The following GLI3 variants were observed in gnomAD, a reference collection of about 807,000 sequenced individuals.
GLI3 encodes GLI family zinc finger 3.
In GLI3, 20 loss-of-function variants were observed where a neutral mutation model predicts 100.8. The ratio of observed to expected loss-of-function variants is 0.20; its 90% CI spans 0.14 to 0.29. The LOEUF (loss-of-function observed/expected upper bound fraction) is 0.29. Ranked by LOEUF, GLI3 falls within the 10% of genes least tolerant of loss-of-function variation. The pLI is 1.00. For synonymous variants in GLI3, 938 were observed against 860.5 expected (o/e 1.09, Z -1.58); for missense variants, 2,040 against 2,128.5 (o/e 0.96, Z 0.82).
chr7:42,172,695 AG>A, intron 2 of GLI3: 1 of 698,356 alleles, frequency 1.4e-6, no homozygotes, highest in Non-Finnish European at 2.6e-6. Flanking sequence ...GCCTGGGAGA[AG>A]GGGATGAGTT....
chr7:41,984,853 G>C (rs1271424080), intron 10 of GLI3, among the ~76,000 whole-genome samples: 1 of 152,190 alleles, frequency 6.6e-6, no homozygotes, highest in Non-Finnish European at 1.5e-5. Context: ...ACGACGCCAA[G>C]TTCATCACAA....
intron 4 of GLI3, among the ~76,000 whole-genome samples, chr7:42,067,975 C>A (rs1202719960): frequency 2.0e-5 from 3 of 152,210 alleles, no homozygotes; most frequent in Non-Finnish European, 4.4e-5. Flanking sequence ...ATGTGTGATG[C>A]TGCACATGCC....
chr7:42,163,497 C>T (rs1359571370), intron 2 of GLI3, among the ~76,000 whole-genome samples: 3 of 151,466 alleles, frequency 2.0e-5, no homozygotes, highest in Non-Finnish European at 4.4e-5. Flanking sequence ...GGTGCTATCT[C>T]GGCTCACTGC....
intron 9 of GLI3, among the ~76,000 whole-genome samples, chr7:42,023,823 C>T (rs1789020613): frequency 6.6e-6 from 1 of 152,082 alleles, no homozygotes; most frequent in Non-Finnish European, 1.5e-5. Context: ...AGGCAACAGC[C>T]TGTCAAAATT....
intron 4 of GLI3, 128 bp from the exon 5 acceptor site, chr7:42,048,824 C>T (rs1784298307): frequency 1.4e-6 from 1 of 711,450 alleles, no homozygotes; most frequent in South Asian, 1.5e-5. Flanking sequence ...GAAAAAACTG[C>T]AGGCAAATAC....
At chr7:42,215,365 T>C (rs550930934) in intron 2 of GLI3, among the ~76,000 whole-genome samples, 149 of 152,296 alleles carry the variant, frequency 9.8e-4, no homozygotes, top group African/African-American at 3.4e-3. Context: ...AGTTTTTTGC[T>C]TTTACTATCA....
At chr7:42,191,645 C>T (rs529677880) in intron 2 of GLI3, among the ~76,000 whole-genome samples, 195 of 147,444 alleles carry the variant, frequency 1.3e-3, no homozygotes, top group African/African-American at 4.6e-3. Flanking sequence ...AGCGAAACTC[C>T]GTTTCAAAAA....
At position 42,132,304 on chromosome 7, in the gene GLI3, G is replaced by A. The variant is rs890891293; in HGVS notation, c.367+15922C>T. On this transcript the variant is annotated intron_variant, in intron 3 of 14. Coordinates refer to ENST00000395925, the MANE Select transcript of GLI3 (RefSeq NM_000168.6). ...TTTAGTAGAGATGGGGTTTCACCAT[G>A]TTAGCCAGGATGGTCTCGATCTCCT... Among the ~76,000 whole-genome samples the A allele has an allele frequency of 4.6e-5, 7 of 151,952 alleles. No homozygotes were observed. In the East Asian group the frequency reaches 1.4e-3, roughly 30 times the overall value.
intron 2 of GLI3, among the ~76,000 whole-genome samples, chr7:42,164,691 G>T (rs1176998423): frequency 6.6e-6 from 1 of 151,834 alleles, no homozygotes. Context: ...TTAGCCGGGC[G>T]TGGTGGCCTG....
chr7:41,989,934 C>G (rs1335342186), intron 10 of GLI3, among the ~76,000 whole-genome samples: 1 of 138,790 alleles, frequency 7.2e-6, no homozygotes, highest in Non-Finnish European at 1.5e-5. Flanking sequence ...CTGTAGTGAG[C>G]TGAGATTGCA....
chr7:42,019,719 G>A (rs772064735), intron 10 of GLI3, among the ~76,000 whole-genome samples: 1 of 152,170 alleles, frequency 6.6e-6, no homozygotes, highest in Admixed American at 6.5e-5. Context: ...ATTTTGAGAT[G>A]TTAGAATGTG....
At chr7:42,132,821 A>G (rs1786326840) in intron 3 of GLI3, among the ~76,000 whole-genome samples, 2 of 152,158 alleles carry the variant, frequency 1.3e-5, no homozygotes, top group Admixed American at 6.5e-5. Context: ...GAGCAGGTTG[A>G]TTTTGTAAAG....
Position 42,026,261 on chromosome 7 carries a change from G to T in GLI3, c.1180C>A (p.Pro394Thr), listed in dbSNP as rs1255889257. Reference protein sequence around the residue: ...APTFPTQRPIPGIPTVLNPVQ... With the variant: ...APTFPTQRPITGIPTVLNPVQ... ...GGGTTCAGAACCGTAGGGATCCCTG[G>T]AATAGGCCTCTGTGTTGGAAAAGTT... The change falls in exon 8 of 15, where the codon CCA becomes ACA. Residue 394 changes from proline to threonine, a missense_variant. Physicochemically the swap from Pro to Thr is conservative, Grantham distance 38. This residue lies in a region of GLI3 where 603 missense variants were observed against 690.9 expected (regional missense o/e 0.87). Transcript: ENST00000395925. 6.2e-7 allele frequency: 1 copy of T among 1,614,090 alleles called. No homozygotes were observed. The highest frequency in any genetic ancestry group is 1.1e-5 in the South Asian group (1 of 91,042).
chr7:42,259,087 C>T (rs1159627102), intron 1 of GLI3, among the ~76,000 whole-genome samples: 1 of 152,208 alleles, frequency 6.6e-6, no homozygotes, highest in Non-Finnish European at 1.5e-5. Flanking sequence ...ATTGTCCAAG[C>T]AGTCAAATTA....
intron 2 of GLI3, among the ~76,000 whole-genome samples, chr7:42,205,744 A>C (rs1788135312): frequency 6.6e-6 from 1 of 152,214 alleles, no homozygotes. Flanking sequence ...GGTCTTGCCA[A>C]CTGTTATTTC....
intron 4 of GLI3, among the ~76,000 whole-genome samples, chr7:42,059,977 G>A (rs1426973562): frequency 6.6e-6 from 1 of 152,218 alleles, no homozygotes; most frequent in Non-Finnish European, 1.5e-5. Context: ...CATTCAGTAA[G>A]CTGTTCTATA....
intron 10 of GLI3, among the ~76,000 whole-genome samples, chr7:42,010,303 G>A (rs1788576316): frequency 6.6e-6 from 1 of 152,208 alleles, no homozygotes. Context: ...GGCTTAAAGT[G>A]GGACGGTAAA....
chr7:42,177,292 G>A (rs1436329311), intron 2 of GLI3, among the ~76,000 whole-genome samples: 1 of 152,134 alleles, frequency 6.6e-6, no homozygotes, highest in Non-Finnish European at 1.5e-5. Flanking sequence ...GACGGAGGCA[G>A]CAGGAGGTCA....
At chr7:42,192,151 C>T (rs530876993) in intron 2 of GLI3, among the ~76,000 whole-genome samples, 4 of 152,210 alleles carry the variant, frequency 2.6e-5, no homozygotes, top group South Asian at 4.1e-4. Flanking sequence ...CAATTCCAAT[C>T]GCAATCTATA....
Sources: allele counts gnomAD v4.1 joint callset (sites outside exome capture counted in the v4.1 genomes callset), GRCh38; gene constraint gnomAD v4.1.1; regional missense constraint gnomAD v4.1.1; transcripts MANE v1.5; gene names NCBI Gene and HGNC (gene_info 2026-07-23, HGNC 2026-07-21).